Variants in MYO16 observed in about 807,000 individuals in gnomAD.
MYO16 encodes the protein myosin XVI.
A neutral mutation model predicts 205.3 loss-of-function variants in MYO16; 94 were observed. The ratio of observed to expected loss-of-function variants is 0.46; its 90% CI spans 0.39 to 0.54. The LOEUF (loss-of-function observed/expected upper bound fraction) is 0.54. Among genes scored for constraint, MYO16 ranks in the 20% least tolerant of loss-of-function variants. MYO16 has a pLI of 0.00. For missense variants in MYO16, 2,315 were observed against 2,387.5 expected, an observed-to-expected ratio of 0.97 and a Z score of 0.63; for synonymous variants, 988 against 954.0, an observed-to-expected ratio of 1.04 and a Z score of -0.66.
At chr13:109,190,525 C>T (rs968314123) in intron 34 of MYO16, among the ~76,000 whole-genome samples, 4 of 152,126 alleles carry the variant, frequency 2.6e-5, no homozygotes, top group African/African-American at 9.7e-5. Context: ...TTTGTCAGCT[C>T]AGTGTAATTG....
At chr13:108,820,731 T>C (rs1333491681) in intron 8 of MYO16, among the ~76,000 whole-genome samples, 1 of 152,216 alleles carries the variant, frequency 6.6e-6, no homozygotes, top group African/African-American at 2.4e-5. Flanking sequence ...AATACATTTT[T>C]ACTGTTATTT....
At chr13:109,100,997 G>A (rs917059650) in intron 28 of MYO16, 110 bp downstream of exon 28, 9 of 907,188 alleles carry the variant, frequency 9.9e-6, no homozygotes, top group African/African-American at 8.2e-5. Flanking sequence ...TTCCTTTGAT[G>A]TGTTTGGCAA....
chr13:109,066,957 G>A (rs1887768235), intron 27 of MYO16, among the ~76,000 whole-genome samples: 1 of 148,880 alleles, frequency 6.7e-6, no homozygotes, highest in African/African-American at 2.4e-5. Context: ...ACTCTACCAA[G>A]TGGTATGATC....
chr13:108,989,196 G>C (rs1034999305), intron 20 of MYO16, among the ~76,000 whole-genome samples: 1 of 152,012 alleles, frequency 6.6e-6, no homozygotes, highest in East Asian at 1.9e-4. Flanking sequence ...CTGTGGCTTA[G>C]GTTTATTTGA....
chr13:108,992,527 A>T (rs1884870281), intron 21 of MYO16, 79 bp downstream of exon 21: 1 of 819,492 alleles, frequency 1.2e-6, no homozygotes, highest in Admixed American at 2.6e-5. Context: ...CTGTAAAGAC[A>T]GTGTAACTAC....
At chr13:108,848,966 G>A (rs1566367433) in intron 10 of MYO16, among the ~76,000 whole-genome samples, 1 of 150,158 alleles carries the variant, frequency 6.7e-6, no homozygotes, top group Non-Finnish European at 1.5e-5. Context: ...GTGTGCACGA[G>A]CACACAGATC....
In MYO16 at chr13:108,993,714, G is replaced by T. The variant is rs541821805; in HGVS notation, c.2442+1266G>T. On this transcript the variant is annotated intron_variant, in intron 21 of 34. Coordinates refer to ENST00000457511, the MANE Select transcript of MYO16 (RefSeq NM_001198950.3). ...ATTTTTATTGCTTACTGTGAGAAAA[G>T]TAATGATGAACATAAGGAAGAAAGC... is the stretch of plus-strand genomic sequence containing the variant. Among the ~76,000 whole-genome samples the T allele has an allele frequency of 3.9e-5, 6 of 152,298 alleles. No individual in the cohort carries two copies. The South Asian group carries it at 1.2e-3, about 32-fold the overall frequency.
intron 4 of MYO16, among the ~76,000 whole-genome samples, chr13:108,766,455 G>A (rs752797767): frequency 6.6e-6 from 1 of 152,226 alleles, no homozygotes; most frequent in African/African-American, 2.4e-5. Flanking sequence ...TGGGAAAAGA[G>A]ATAGCAGTTC....
At chr13:108,849,652 T>A (rs1406246912) in intron 10 of MYO16, among the ~76,000 whole-genome samples, 8 of 149,994 alleles carry the variant, frequency 5.3e-5, no homozygotes, top group African/African-American at 1.5e-4. Context: ...TGTGTGTGTG[T>A]GTGTGTGTGT....
chr13:108,778,915 GTTGTTTGT>G lies in MYO16; in HGVS notation c.508-6703_508-6696del, dbSNP rs139364772. Among the ~76,000 whole-genome samples, 38 of 152,132 alleles carry G rather than the reference GTTGTTTGT, an allele frequency of 2.5e-4. No homozygotes were observed. In the South Asian group the frequency reaches 5.2e-3, roughly 21 times the overall value. ...TAAAGGACTTGGCCTTGGCTTATCT[GTTGTTTGT>G]TTGTTTGTTTGTTTGTAAGACTTCC... On this transcript the variant is annotated intron_variant, in intron 4 of 34. Coordinates refer to ENST00000457511, the MANE Select transcript of MYO16 (RefSeq NM_001198950.3).
intron 4 of MYO16, among the ~76,000 whole-genome samples, chr13:108,742,670 T>C (rs1234887549): frequency 6.6e-6 from 1 of 152,226 alleles, no homozygotes; most frequent in East Asian, 1.9e-4. Context: ...TACTCAATAT[T>C]AAATTCACAA....
Position 108,741,180 on chromosome 13 carries a change from G to A in MYO16, c.507+13597G>A, listed in dbSNP as rs201919257. 1.7e-4 allele frequency among the ~76,000 whole-genome samples: 26 copies of A among 152,198 alleles called. No homozygotes were observed. In the East Asian group the frequency reaches 3.7e-3, roughly 22 times the overall value. On this transcript the variant is annotated intron_variant, in intron 4 of 34. Coordinates refer to ENST00000457511, the MANE Select transcript of MYO16 (RefSeq NM_001198950.3). The stretch of plus-strand genomic sequence containing the variant: ...CGACACGCCCCAGTGAGATGAACTC[G>A]GTACCTCAGTTGGAAATGCAGAAAT...
At position 109,140,507 on chromosome 13, in the gene MYO16, C is replaced by A. The variant is rs1877002183; in HGVS notation, c.4295C>A (p.Pro1432His). The A allele has an allele frequency of 1.3e-6, 2 of 1,551,036 alleles. No individual in the cohort carries two copies. Among genetic ancestry groups the A allele is most frequent in the Non-Finnish European group, 8.6e-7 (1 of 1,156,886 alleles). The change falls in exon 32 of 35, where the codon CCT (proline) becomes CAT (histidine). Residue 1432 changes from proline to histidine, a missense_variant. By Grantham distance (77) the Pro-to-His change is moderately conservative (BLOSUM62 -2). Transcript: ENST00000457511. The surrounding 1 kb of genome is among the most constrained non-coding windows in gnomAD (Gnocchi z 8.0). ...CCGGGTGACGAGGACGACAGCGAGC[C>A]TGTGTACATCGAGATGCTGGGGCAC... ...APPGDEDDSE[P>H]VYIEMLGHAA...
intron 27 of MYO16, among the ~76,000 whole-genome samples, chr13:109,088,000 G>A (rs1888491465): frequency 6.6e-6 from 1 of 152,184 alleles, no homozygotes; most frequent in Admixed American, 6.5e-5. Flanking sequence ...ATTATAAAAT[G>A]CATGAAGGAT....
chr13:108,647,922 G>A (rs919829999), intron 1 of MYO16, among the ~76,000 whole-genome samples: 3 of 152,172 alleles, frequency 2.0e-5, no homozygotes, highest in African/African-American at 7.2e-5. Flanking sequence ...ATTAGCAGAT[G>A]AATGAATGAA....
intron 1 of MYO16, among the ~76,000 whole-genome samples, chr13:108,642,276 C>T (rs542712414): frequency 2.2e-4 from 34 of 152,162 alleles, no homozygotes; most frequent in Non-Finnish European, 3.1e-4. Flanking sequence ...AGACTGTGGA[C>T]GTGAAAGGAC....
chr13:109,089,877 C>T (rs1407422230), intron 27 of MYO16, among the ~76,000 whole-genome samples: 1 of 152,190 alleles, frequency 6.6e-6, no homozygotes, highest in Non-Finnish European at 1.5e-5. Flanking sequence ...CCATTTTCAA[C>T]TGCAGAAAGC....
chr13:108,536,101 G>A, the MYO16 span, among the ~76,000 whole-genome samples: 2 of 152,058 alleles, frequency 1.3e-5, no homozygotes, highest in African/African-American at 4.8e-5. Context: ...GCTAGATGCG[G>A]TAATTTTTAA....
At position 108,806,765 on chromosome 13, in the gene MYO16, G is replaced by C; in HGVS notation, c.828G>C (p.Gln276His). ...HGGDLNIVDDQYWTPLHLAAK... is the reference protein window; with the variant it reads ...HGGDLNIVDDHYWTPLHLAAK... ...GAGACCTCAACATAGTAGATGATCA[G>C]TACTGGACTCCCCTCCACTTGGCAG... Residue 276 changes from glutamine (Q) to histidine (H), a missense_variant, in exon 7 of 35, where the codon CAG (glutamine) becomes CAC (histidine). Coordinates refer to ENST00000457511, the MANE Select transcript of MYO16 (RefSeq NM_001198950.3). The C allele has an allele frequency of 6.3e-7, 1 of 1,587,314 alleles. No individual in the cohort carries two copies. Among genetic ancestry groups the C allele is most frequent in the South Asian group, 1.2e-5 (1 of 85,274 alleles).
Sources: allele counts gnomAD v4.1 joint callset (sites outside exome capture counted in the v4.1 genomes callset), GRCh38; gene constraint gnomAD v4.1.1; non-coding constraint Gnocchi (gnomAD v3.1); transcripts MANE v1.5; gene names NCBI Gene and HGNC (gene_info 2026-07-23, HGNC 2026-07-21).